The following CELF2 variants were observed in gnomAD, a reference collection of about 807,000 sequenced individuals.
The protein encoded by CELF2 is CUG triplet repeat RNA-binding protein 2.
Under a neutral mutation model 62.6 loss-of-function variants are expected in CELF2, and 8 were observed. The ratio of observed to expected loss-of-function variants is 0.13; its 90% CI spans 0.07 to 0.23. The LOEUF (loss-of-function observed/expected upper bound fraction) is 0.23, where lower values mean the gene tolerates loss of function less well. Ranked by LOEUF, CELF2 falls within the 10% of genes least tolerant of loss-of-function variation. CELF2 has a pLI of 1.00. For synonymous variants in CELF2, 258 were observed against 250.0 expected (o/e 1.03, Z -0.30); for missense variants, 333 against 671.0 (o/e 0.50, Z 5.56).
chr10:11,165,364 G>T lies in CELF2; in HGVS notation c.75-122G>T. On this transcript the variant is annotated intron_variant, in intron 1 of 12. Coordinates refer to ENST00000633077, the MANE Select transcript of CELF2 (RefSeq NM_001326342.2). The surrounding 1 kb of genome is among the most constrained non-coding windows in gnomAD (Gnocchi z 7.4). Reference sequence around the variant, plus strand: ...TCATCAAATTTCTACGACTCATTAGGCACTTTGCCACTGCTCTTCTTCCTC... The same window carrying T: ...TCATCAAATTTCTACGACTCATTAGTCACTTTGCCACTGCTCTTCTTCCTC... 6.6e-7 allele frequency: 1 copy of T among 1,505,370 alleles called. No individual in the cohort carries two copies. The allele number at this position is 1,505,370 out of a possible 1,614,324, so 93.3% of individuals were successfully genotyped here. A position where few individuals can be genotyped will look rare whatever the true frequency, so the allele number is the denominator to read the frequency against.
chr10:10,728,452 CAAAAAAAAAAAAA>C, the CELF2 span, among the ~76,000 whole-genome samples: 11 of 81,440 alleles, frequency 1.4e-4, no homozygotes, highest in African/African-American at 4.7e-4. Context: ...GACTCTGTTT[CAAAAAAAAAAAAA>C]AAAAAAAAAG....
chr10:10,475,794 T>C, the CELF2 span, among the ~76,000 whole-genome samples: 3 of 152,186 alleles, frequency 2.0e-5, no homozygotes, highest in African/African-American at 7.2e-5. Flanking sequence ...AATGAATGCT[T>C]AAACTCTCAA....
the CELF2 span, among the ~76,000 whole-genome samples, chr10:10,598,361 T>G: frequency 6.6e-6 from 1 of 152,198 alleles, no homozygotes; most frequent in Non-Finnish European, 1.5e-5. Flanking sequence ...TTATTTTTCT[T>G]TTACCACAGT....
At chr10:10,583,939 A>C in the CELF2 span, among the ~76,000 whole-genome samples, 13 of 152,140 alleles carry the variant, frequency 8.5e-5, no homozygotes, top group Admixed American at 6.6e-5. Context: ...TAGGTTGGAA[A>C]GGTGTCTAAA....
the CELF2 span, among the ~76,000 whole-genome samples, chr10:10,665,777 C>A: frequency 2.6e-5 from 4 of 152,262 alleles, no homozygotes; most frequent in South Asian, 8.3e-4. Context: ...GTTAGAAACA[C>A]CAAATTCTGG....
rs540676137 is a variant in CELF2 at position 11,227,362 on chromosome 10, G to C, written c.354+9855G>C. ...ACCAGGGCACTGAGAGGTAGAACCA[G>C]GCAGCCCACGCCACAGATGGCACAG... On this transcript the variant is annotated intron_variant, in intron 3 of 12. Transcript: ENST00000633077. The surrounding 1 kb of genome is among the most constrained non-coding windows in gnomAD (Gnocchi z 4.8). 5.8e-4 allele frequency among the ~76,000 whole-genome samples: 88 copies of C among 152,346 alleles called. 1 individual carries two copies. The South Asian group carries it at 0.018, about 31-fold the overall frequency.
intron 2 of CELF2, among the ~76,000 whole-genome samples, chr10:11,205,792 A>G (rs1283737665): frequency 6.6e-6 from 1 of 152,242 alleles, no homozygotes; most frequent in South Asian, 2.1e-4. Flanking sequence ...ATCTCCGTAC[A>G]CATGAAATGC....
chr10:10,505,343 G>T, the CELF2 span, among the ~76,000 whole-genome samples: 9 of 152,050 alleles, frequency 5.9e-5, no homozygotes, highest in Admixed American at 3.3e-4. Context: ...TATGCTTTCT[G>T]CATCCTCAGG....
chr10:11,188,126 A>C (rs773881984), intron 2 of CELF2, among the ~76,000 whole-genome samples: 5 of 151,938 alleles, frequency 3.3e-5, no homozygotes, highest in African/African-American at 4.8e-5. Flanking sequence ...ATTTTTTGAG[A>C]CTGAGTTTCG....
chr10:10,793,868 G>A (rs936401586), upstream of CELF2, among the ~76,000 whole-genome samples: 1 of 152,108 alleles, frequency 6.6e-6, no homozygotes, highest in African/African-American at 2.4e-5. Flanking sequence ...AGTGATGCTG[G>A]TAATTTTTAT....
At chr10:10,914,477 T>C (rs987420200) in intron 1 of CELF2, among the ~76,000 whole-genome samples, 33 of 152,240 alleles carry the variant, frequency 2.2e-4, no homozygotes, top group African/African-American at 8.0e-4. Context: ...AAAAGATTTT[T>C]TTTAAGGAAT....
chr10:11,284,499 T>TG (rs768265150), intron 8 of CELF2, among the ~76,000 whole-genome samples: 100 of 54,070 alleles, frequency 1.8e-3, no homozygotes, highest in East Asian at 8.8e-3. Context: ...GAGTGTGTGG[T>TG]GGGGGATGAG....
At chr10:11,044,044 G>T (rs1466681872) in intron 1 of CELF2, among the ~76,000 whole-genome samples, 1 of 152,174 alleles carries the variant, frequency 6.6e-6, no homozygotes, top group East Asian at 1.9e-4. Flanking sequence ...TCTTCCCTCA[G>T]TTGTGGGCAC....
the CELF2 span, among the ~76,000 whole-genome samples, chr10:10,504,111 C>T: frequency 6.6e-6 from 1 of 152,074 alleles, no homozygotes; most frequent in African/African-American, 2.4e-5. Context: ...AACTGCCCAA[C>T]ATAATTTTTA....
chr10:11,227,617 T>C lies in CELF2; in HGVS notation c.354+10110T>C, dbSNP rs374324230. Among the ~76,000 whole-genome samples, 3 of 152,324 alleles carry C rather than the reference T, an allele frequency of 2.0e-5. No individual in the cohort carries two copies. Among genetic ancestry groups the C allele is most frequent in the South Asian group, 4.1e-4 (2 of 4,830 alleles). On this transcript the variant is annotated intron_variant, in intron 3 of 12. Transcript: ENST00000633077. This position sits in a 1 kb window ranked among gnomAD's most constrained non-coding sequence, Gnocchi z 4.8. ...GTTTTTGCTGTTATCTGCTGTTAGA[T>C]TCGGCCGGAATCTAAGGGATAGAGA...
the CELF2 span, among the ~76,000 whole-genome samples, chr10:10,529,451 C>G: frequency 2.0e-5 from 3 of 152,040 alleles, no homozygotes; most frequent in Non-Finnish European, 4.4e-5. Flanking sequence ...CTATGGGAGG[C>G]CAACGTGGGC....
chr10:11,087,248 A>G (rs2047069136), intron 1 of CELF2, among the ~76,000 whole-genome samples: 1 of 152,200 alleles, frequency 6.6e-6, no homozygotes, highest in African/African-American at 2.4e-5. Flanking sequence ...AACTGAATGA[A>G]CAATGTAAAA....
At chr10:10,871,529 C>T (rs1431633232) in intron 1 of CELF2, among the ~76,000 whole-genome samples, 1 of 151,996 alleles carries the variant, frequency 6.6e-6, no homozygotes, top group East Asian at 1.9e-4. Flanking sequence ...CTCAGGACTG[C>T]AATCCCAGCA....
chr10:10,517,683 G>A, the CELF2 span, among the ~76,000 whole-genome samples: 1 of 152,206 alleles, frequency 6.6e-6, no homozygotes, highest in East Asian at 1.9e-4. Flanking sequence ...GATTTTCCCT[G>A]CAACATGGGA....
Sources: gnomAD v4.1 joint callset for allele counts (sites outside exome capture counted in the v4.1 genomes callset) on GRCh38, gnomAD v4.1.1 for gene constraint, Gnocchi (gnomAD v3.1) non-coding constraint, MANE v1.5 for transcripts, NCBI Gene and HGNC (gene_info 2026-07-23, HGNC 2026-07-21) for gene names.